LRCH1: variants seen among roughly 807,000 people sequenced by gnomAD.
LRCH1 encodes leucine-rich repeat and calponin homology domain-containing protein 1.
In LRCH1, 23 loss-of-function variants were observed where a neutral mutation model predicts 94.9. That is an observed-to-expected ratio of 0.24 (90% CI 0.17 to 0.34). The LOEUF (loss-of-function observed/expected upper bound fraction) is 0.34. Among genes scored for constraint, LRCH1 ranks in the 10% least tolerant of loss-of-function variants. The pLI, the probability that LRCH1 is intolerant of heterozygous loss-of-function variation, is 1.00. For synonymous variants in LRCH1, 364 were observed against 354.9 expected (o/e 1.03, Z -0.29); for missense variants, 790 against 945.9 (o/e 0.84, Z 2.16).
rs143226006 is a variant in LRCH1, at chr13:46,634,676, T to A, written c.308-15525T>A. ...TGCTAAATGTAAATCTAACTCTTCA[T>A]ACATTTTCTCTTGTTTACCTGTCTC... is the stretch of plus-strand genomic sequence containing the variant. On this transcript the variant is annotated intron_variant, in intron 1 of 19. Coordinates refer to ENST00000389797, the MANE Select transcript of LRCH1 (RefSeq NM_001164211.2). Among the ~76,000 whole-genome samples, 420 of 152,372 alleles carry A rather than the reference T, an allele frequency of 2.8e-3. 6 individuals carry two copies. The highest frequency in any genetic ancestry group is 9.6e-3 in the African/African-American group (401 of 41,590).
downstream of LRCH1, among the ~76,000 whole-genome samples, chr13:46,749,640 A>G (rs561933715): frequency 1.3e-5 from 2 of 152,352 alleles, no homozygotes; most frequent in South Asian, 2.1e-4. Flanking sequence ...AAGAAAAAAG[A>G]AAAAGTAAAC....
intron 2 of LRCH1, among the ~76,000 whole-genome samples, chr13:46,665,499 A>C (rs1249810334): frequency 1.3e-5 from 2 of 152,218 alleles, no homozygotes; most frequent in Non-Finnish European, 2.9e-5. Context: ...TGAAATGATG[A>C]AATAGACAAA....
At chr13:46,698,709 A>G (rs1223190874) in intron 9 of LRCH1, among the ~76,000 whole-genome samples, 1 of 152,240 alleles carries the variant, frequency 6.6e-6, no homozygotes, top group Non-Finnish European at 1.5e-5. Context: ...AAAGGGCAAT[A>G]GGAAATCCAG....
intron 1 of LRCH1, among the ~76,000 whole-genome samples, chr13:46,591,606 T>A: frequency 6.6e-6 from 1 of 152,196 alleles, no homozygotes; most frequent in East Asian, 1.9e-4. Context: ...AAGTCATGAT[T>A]TTGGAGAGCT....
At chr13:46,748,853 A>C (rs1193983531), downstream of LRCH1, among the ~76,000 whole-genome samples, 1 of 152,230 alleles carries the variant, frequency 6.6e-6, no homozygotes, top group Non-Finnish European at 1.5e-5. Context: ...CCTAGGTTAA[A>C]GTCTGATGTT....
In LRCH1 at chr13:46,733,921, C is replaced by T; in HGVS notation, c.2008C>T (p.Pro670Ser). ...TATTTCCGTATATTTGCATTTATAG[C>T]CCAAACTTAGCATGGCCAAATGCAG... ...ASIHVPSPAV[P>S]KLSMAKCRRN... is the part of the protein sequence containing the mutation. The change falls in exon 19 of 20, where the codon CCC (proline) becomes TCC (serine). Residue 670 changes from proline to serine, a missense_variant and splice_region_variant. Physicochemically the swap from Pro to Ser is moderately conservative, Grantham distance 74. This residue lies in a region of LRCH1 where 460 missense variants were observed against 508.9 expected (regional missense o/e 0.90). Coordinates refer to ENST00000389797, the MANE Select transcript of LRCH1 (RefSeq NM_001164211.2). The T allele has an allele frequency of 6.3e-7, 1 of 1,586,296 alleles. No individual in the cohort carries two copies. Among genetic ancestry groups the T allele is most frequent in the Non-Finnish European group, 8.6e-7 (1 of 1,165,092 alleles).
chr13:46,695,266 C>T (rs1871123373), intron 9 of LRCH1, among the ~76,000 whole-genome samples: 1 of 152,164 alleles, frequency 6.6e-6, no homozygotes, highest in Non-Finnish European at 1.5e-5. Context: ...GTGCATCGTA[C>T]AAATTAGCAA....
At chr13:46,606,469 C>T (rs761901156) in intron 1 of LRCH1, among the ~76,000 whole-genome samples, 8 of 152,266 alleles carry the variant, frequency 5.3e-5, no homozygotes, top group Non-Finnish European at 8.8e-5. Flanking sequence ...TATAGCATTT[C>T]CCCCCTTCTG....
chr13:46,706,515 C>T (rs1184888524), intron 13 of LRCH1, among the ~76,000 whole-genome samples: 1 of 152,130 alleles, frequency 6.6e-6, no homozygotes, highest in South Asian at 2.1e-4. Flanking sequence ...TCAAGCTCTT[C>T]CTTTGAGATT....
At chr13:46,639,508 T>A (rs1594307009) in intron 1 of LRCH1, among the ~76,000 whole-genome samples, 1 of 152,202 alleles carries the variant, frequency 6.6e-6, no homozygotes, top group African/African-American at 2.4e-5. Flanking sequence ...GGCAATAAGG[T>A]ATTTGTTACA....
intron 19 of LRCH1, among the ~76,000 whole-genome samples, chr13:46,738,744 AAGAC>A (rs796213877): frequency 3.9e-5 from 6 of 152,298 alleles, no homozygotes; most frequent in South Asian, 2.1e-4. Context: ...CTAAGGGTGA[AAGAC>A]AGGTTCATTG....
intron 1 of LRCH1, among the ~76,000 whole-genome samples, chr13:46,567,769 G>A (rs1009482603): frequency 2.0e-5 from 3 of 152,068 alleles, no homozygotes; most frequent in Non-Finnish European, 2.9e-5. Flanking sequence ...GCTTGCTTTT[G>A]TCTCTTCCTC....
intron 1 of LRCH1, among the ~76,000 whole-genome samples, chr13:46,603,162 C>T (rs751137853): frequency 1.6e-4 from 25 of 151,938 alleles, no homozygotes; most frequent in South Asian, 4.2e-4. Flanking sequence ...ATTTTATGCA[C>T]GGAGCAGAGA....
At chr13:46,631,567 G>A (rs957514546) in intron 1 of LRCH1, among the ~76,000 whole-genome samples, 1 of 152,050 alleles carries the variant, frequency 6.6e-6, no homozygotes, top group African/African-American at 2.4e-5. Context: ...TTGAGTCTCA[G>A]CTTTTCTACT....
At chr13:46,577,540 A>G (rs2050317700) in intron 1 of LRCH1, among the ~76,000 whole-genome samples, 1 of 152,250 alleles carries the variant, frequency 6.6e-6, no homozygotes, top group Non-Finnish European at 1.5e-5. Context: ...CACAGGTCCT[A>G]CCTATACTCA....
At chr13:46,553,785 G>C in intron 1 of LRCH1, 82 bp downstream of exon 1, 1 of 1,561,166 alleles carries the variant, frequency 6.4e-7, no homozygotes, top group South Asian at 1.2e-5. Flanking sequence ...GTGGACAGTC[G>C]GAGATCTTGT....
intron 1 of LRCH1, among the ~76,000 whole-genome samples, chr13:46,592,640 G>A (rs2050513368): frequency 6.6e-6 from 1 of 152,160 alleles, no homozygotes. Context: ...TAAAAAGTAT[G>A]TTTTAAATGG....
At chr13:46,673,921 C>T (rs2051637242) in intron 3 of LRCH1, among the ~76,000 whole-genome samples, 1 of 152,158 alleles carries the variant, frequency 6.6e-6, no homozygotes, top group Non-Finnish European at 1.5e-5. Context: ...GCTGGGACTA[C>T]AGGCACGTAC....
rs553334893 is a variant in LRCH1 at position 46,750,118 on chromosome 13, C to T, written c.1981-422C>T. Among the ~76,000 whole-genome samples the T allele has an allele frequency of 3.3e-5, 5 of 152,236 alleles. No individual in the cohort carries two copies. The South Asian group carries it at 1.0e-3, about 32-fold the overall frequency. On this transcript the variant is annotated intron_variant, in intron 18 of 18. Coordinates refer to the LRCH1 transcript ENST00000311191. ...AATGAACTCAATGAAGTTCTATGGT[C>T]AGTATAACAATGTGTGGTCGGTACA...
Sources: gnomAD v4.1 joint callset for allele counts (sites outside exome capture counted in the v4.1 genomes callset) on GRCh38, gnomAD v4.1.1 for gene constraint, gnomAD v4.1.1 regional missense constraint, MANE v1.5 for transcripts, NCBI Gene and HGNC (gene_info 2026-07-23, HGNC 2026-07-21) for gene names.